The following MYO3A variants were observed in gnomAD, a reference collection of about 807,000 sequenced individuals.
The protein encoded by MYO3A is myosin-IIIa.
MYO3A carries 180 observed loss-of-function variants against 192.7 expected under a neutral mutation model. That is an observed-to-expected ratio of 0.93 (90% CI 0.83 to 1.06). MYO3A has a LOEUF of 1.06. MYO3A is among the 50% of genes least tolerant of loss of function. The pLI is 0.00. For missense variants in MYO3A, 1,896 were observed against 1,905.0 expected (o/e 1.00, Z 0.09); for synonymous variants, 628 against 645.3 (o/e 0.97, Z 0.41).
At chr10:26,017,891 G>A (rs962507562) in intron 7 of MYO3A, among the ~76,000 whole-genome samples, 1 of 150,966 alleles carries the variant, frequency 6.6e-6, no homozygotes, top group Non-Finnish European at 1.5e-5. Context: ...TATATTACTA[G>A]TGTTTTTAAA....
chr10:26,035,402 A>C (rs72793939), intron 10 of MYO3A, among the ~76,000 whole-genome samples: 12,211 of 152,268 alleles, frequency 0.08, 664 homozygotes, highest in Non-Finnish European at 0.12. Flanking sequence ...AAAGAAGAAG[A>C]AGCAGTTGCT....
At chr10:26,110,122 C>T (rs930459118) in intron 17 of MYO3A, among the ~76,000 whole-genome samples, 1 of 152,150 alleles carries the variant, frequency 6.6e-6, no homozygotes, top group African/African-American at 2.4e-5. Context: ...GACTTTTTGG[C>T]TTAAAAGTAG....
In MYO3A at chr10:26,006,395, GA is replaced by G. The variant is rs1841209022; in HGVS notation, c.508+9141del. ...TAACTAAAATCAGAGCAGAACTGAA[GA>G]AAATAGAGACACAAAAAACCCTTCA... On this transcript the variant is annotated intron_variant, in intron 6 of 34. Coordinates refer to ENST00000642920, the MANE Select transcript of MYO3A (RefSeq NM_017433.5). Among the ~76,000 whole-genome samples the G allele has an allele frequency of 1.3e-5, 2 of 152,108 alleles. 1 individual carries two copies. Among genetic ancestry groups the G allele is most frequent in the African/African-American group, 4.8e-5 (2 of 41,394 alleles).
chr10:26,149,165 T>C (rs749004751), intron 23 of MYO3A, among the ~76,000 whole-genome samples: 8 of 149,036 alleles, frequency 5.4e-5, no homozygotes, highest in African/African-American at 1.5e-4. Context: ...GAGAAGTTAC[T>C]TTTTTTTTTA....
chr10:26,211,644 G>A (rs1564650151), intron 34 of MYO3A, among the ~76,000 whole-genome samples, 199 bp from the exon 35 acceptor site: 1 of 152,164 alleles, frequency 6.6e-6, no homozygotes, highest in African/African-American at 2.4e-5. Flanking sequence ...CTGCTCCTCA[G>A]CTTAGAGGAG....
At chr10:26,123,530 T>C (rs1839002537) in intron 18 of MYO3A, among the ~76,000 whole-genome samples, 1 of 152,192 alleles carries the variant, frequency 6.6e-6, no homozygotes, top group Non-Finnish European at 1.5e-5. Flanking sequence ...AAAATGATAG[T>C]CCGTGATGTC....
intron 34 of MYO3A, among the ~76,000 whole-genome samples, chr10:26,203,777 A>T (rs1335403281): frequency 6.6e-6 from 1 of 152,204 alleles, no homozygotes; most frequent in Non-Finnish European, 1.5e-5. Flanking sequence ...TTCTAAACGA[A>T]TATCCTGTGA....
intron 11 of MYO3A, among the ~76,000 whole-genome samples, chr10:26,068,412 C>T (rs538166445): frequency 6.6e-6 from 1 of 152,134 alleles, no homozygotes. Flanking sequence ...AAATCATATT[C>T]ACTTTATCTT....
chr10:26,062,297 G>T (rs1042442335), intron 10 of MYO3A, among the ~76,000 whole-genome samples: 1 of 151,668 alleles, frequency 6.6e-6, no homozygotes, highest in South Asian at 2.1e-4. Flanking sequence ...GAGGTGGGCA[G>T]ATCACGAGGT....
chr10:26,057,863 G>C (rs1834205791), intron 10 of MYO3A, among the ~76,000 whole-genome samples: 1 of 152,164 alleles, frequency 6.6e-6, no homozygotes, highest in African/African-American at 2.4e-5. Flanking sequence ...TAACAAAATT[G>C]AGAGGAAGGC....
At chr10:26,053,124 A>G (rs1844103395) in intron 10 of MYO3A, among the ~76,000 whole-genome samples, 1 of 152,196 alleles carries the variant, frequency 6.6e-6, no homozygotes, top group Non-Finnish European at 1.5e-5. Context: ...AATGGAAAGC[A>G]CTTCTATAAA....
intron 10 of MYO3A, among the ~76,000 whole-genome samples, chr10:26,034,056 G>A (rs541218653): frequency 6.6e-6 from 1 of 152,180 alleles, no homozygotes; most frequent in Admixed American, 6.5e-5. Context: ...GTACCCCATC[G>A]CCAGCTCTTA....
intron 7 of MYO3A, among the ~76,000 whole-genome samples, chr10:26,018,471 A>G (rs1012997810): frequency 2.0e-5 from 3 of 152,228 alleles, no homozygotes; most frequent in Non-Finnish European, 4.4e-5. Context: ...TATATTCACC[A>G]TAATGGCATA....
intron 6 of MYO3A, among the ~76,000 whole-genome samples, chr10:26,014,842 A>C (rs1279703612): frequency 6.6e-6 from 1 of 152,112 alleles, no homozygotes; most frequent in Non-Finnish European, 1.5e-5. Flanking sequence ...TGCTCTATTG[A>C]GATGTCAAGG....
intron 31 of MYO3A, among the ~76,000 whole-genome samples, chr10:26,179,073 C>T (rs1288365036): frequency 6.9e-6 from 1 of 144,540 alleles, no homozygotes; most frequent in African/African-American, 2.5e-5. Flanking sequence ...GCTGGGATTA[C>T]ACCGTGCCCA....
At chr10:25,970,482 A>G (rs1029547459) in intron 4 of MYO3A, among the ~76,000 whole-genome samples, 2 of 152,016 alleles carry the variant, frequency 1.3e-5, no homozygotes, top group Non-Finnish European at 2.9e-5. Flanking sequence ...AATGTATATT[A>G]GAAAAAAAAG....
chr10:26,200,003 A>ATT (rs1843610787), intron 32 of MYO3A, among the ~76,000 whole-genome samples: 2 of 152,200 alleles, frequency 1.3e-5, no homozygotes, highest in African/African-American at 4.8e-5. Context: ...CACTGTTCCT[A>ATT]TGCAGGCAAT....
chr10:25,943,418 A>G (rs144737698), intron 2 of MYO3A, among the ~76,000 whole-genome samples: 1 of 152,068 alleles, frequency 6.6e-6, no homozygotes, highest in Non-Finnish European at 1.5e-5. Context: ...TCTGCAAAAA[A>G]CATTGGGATT....
At chr10:26,106,402 A>G (rs1226991206) in intron 17 of MYO3A, among the ~76,000 whole-genome samples, 6 of 152,032 alleles carry the variant, frequency 3.9e-5, no homozygotes, top group African/African-American at 4.8e-5. Context: ...ATTATAAGGG[A>G]AATGAATTTT....
Sources: gnomAD v4.1 joint callset for allele counts (sites outside exome capture counted in the v4.1 genomes callset) on GRCh38, gnomAD v4.1.1 for gene constraint, MANE v1.5 for transcripts, NCBI Gene and HGNC (gene_info 2026-07-23, HGNC 2026-07-21) for gene names.